CECR2: variants seen among roughly 807,000 people sequenced by gnomAD.
CECR2 encodes CECR2 histone acetyl-lysine reader, also known as chromatin remodeling regulator CECR2.
In CECR2, 30 loss-of-function variants were observed where a neutral mutation model predicts 154.5. That is an observed-to-expected ratio of 0.19 (90% CI 0.15 to 0.26). The LOEUF (loss-of-function observed/expected upper bound fraction) is 0.26, where lower values mean the gene tolerates loss of function less well. Ranked by LOEUF, CECR2 falls within the 10% of genes least tolerant of loss-of-function variation. CECR2 has a pLI of 1.00. For missense variants in CECR2, 1,743 were observed against 1,829.3 expected (o/e 0.95, Z 0.86); for synonymous variants, 725 against 683.7 (o/e 1.06, Z -0.94).
chr22:17,549,833 C>G (rs1477263688), intron 17 of CECR2, among the ~76,000 whole-genome samples: 1 of 143,804 alleles, frequency 7.0e-6, no homozygotes, highest in Non-Finnish European at 1.5e-5. Flanking sequence ...ACCGTGTTGC[C>G]CAGGCTGGTC....
chr22:17,531,978 G>A (rs2056362282), intron 9 of CECR2, among the ~76,000 whole-genome samples: 1 of 152,096 alleles, frequency 6.6e-6, no homozygotes, highest in East Asian at 1.9e-4. Context: ...AGACCAGCCT[G>A]GGCAACATAA....
intron 9 of CECR2, among the ~76,000 whole-genome samples, chr22:17,525,750 A>G (rs1165010843): frequency 6.6e-6 from 1 of 152,084 alleles, no homozygotes; most frequent in Non-Finnish European, 1.5e-5. Context: ...ACTGGCTTTT[A>G]TTTGTTTATA....
At chr22:17,503,978 C>T (rs899959100) in intron 6 of CECR2, among the ~76,000 whole-genome samples, 6 of 151,852 alleles carry the variant, frequency 4.0e-5, no homozygotes, top group African/African-American at 1.2e-4. Context: ...ATCCAGGAGG[C>T]GGAGGCTGCA....
intron 1 of CECR2, among the ~76,000 whole-genome samples, chr22:17,380,342 A>G (rs1018749377): frequency 1.3e-5 from 2 of 152,226 alleles, no homozygotes; most frequent in African/African-American, 4.8e-5. Context: ...ATGCAAAAAT[A>G]TATAGAAGAT....
chr22:17,406,339 G>A (rs1373495671), intron 1 of CECR2, among the ~76,000 whole-genome samples: 2 of 152,142 alleles, frequency 1.3e-5, no homozygotes, highest in African/African-American at 2.4e-5. Context: ...TGGCCAACAT[G>A]ACGAAACCCC....
At chr22:17,391,337 C>T (rs990924150) in intron 1 of CECR2, among the ~76,000 whole-genome samples, 3 of 152,154 alleles carry the variant, frequency 2.0e-5, no homozygotes, top group African/African-American at 7.2e-5. Context: ...CCCAGTTATC[C>T]TAGATGTAGG....
intron 1 of CECR2, among the ~76,000 whole-genome samples, chr22:17,401,483 C>T (rs76760583): frequency 0.057 from 8,680 of 151,954 alleles, 450 homozygotes; most frequent in African/African-American, 0.14. Flanking sequence ...CTCACCCCAA[C>T]CTGTGTTTCT....
rs1323668259 is a variant in CECR2, at chr22:17,555,811, C to T, written c.*2971C>T. The T allele has an allele frequency of 6.6e-6, 1 of 151,886 alleles. No homozygotes were observed. The highest frequency in any genetic ancestry group is 1.5e-5 in the Non-Finnish European group (1 of 67,988). The allele number at this position is 151,886 out of a possible 1,614,324, so 9.4% of individuals were successfully genotyped here. On this transcript the variant is annotated 3_prime_UTR_variant, in exon 19 of 19. Coordinates refer to ENST00000262608, the MANE Select transcript of CECR2 (RefSeq NM_001290047.2). ...GTCAGCGTGCCGGCTCTCAGTGGTC[C>T]CCAGGAGGATGGGGATAGCTGAGAT...
rs767869496 is a variant in CECR2 at position 17,542,638 on chromosome 22, A to G, written c.2495A>G (p.His832Arg). 1 of 1,613,892 alleles carries G rather than the reference A, an allele frequency of 6.2e-7. No homozygotes were observed. Among genetic ancestry groups the G allele is most frequent in the South Asian group, 1.1e-5 (1 of 91,076 alleles). The change falls in exon 16 of 19, where the codon CAT becomes CGT. Residue 832 changes from histidine (H) to arginine (R), a missense_variant. Physicochemically the swap from His to Arg is conservative, Grantham distance 29. Coordinates refer to ENST00000262608, the MANE Select transcript of CECR2 (RefSeq NM_001290047.2). ...QWTEQSGFLPHGVPSSGYMRP... is the reference protein window; with the variant it reads ...QWTEQSGFLPRGVPSSGYMRP... ...ACTGAACAATCAGGCTTCCTACCTCATGGAGTTCCTTCCTCAGGGTACATG... is the reference window on the plus strand; with the variant it reads ...ACTGAACAATCAGGCTTCCTACCTCGTGGAGTTCCTTCCTCAGGGTACATG...
intron 1 of CECR2, among the ~76,000 whole-genome samples, chr22:17,451,902 A>T (rs1007230135): frequency 8.5e-5 from 13 of 152,192 alleles, no homozygotes; most frequent in Non-Finnish European, 1.9e-4. Flanking sequence ...AAATAATGGG[A>T]GTTTTAGCTT....
At chr22:17,453,279 TA>T (rs2054800366) in intron 1 of CECR2, among the ~76,000 whole-genome samples, 1 of 152,058 alleles carries the variant, frequency 6.6e-6, no homozygotes, top group African/African-American at 2.4e-5. Context: ...CCGTCTCTGC[TA>T]AAAATACAAA....
At chr22:17,480,459 C>CACACACACAGAG (rs373106595) in intron 2 of CECR2, among the ~76,000 whole-genome samples, 4,000 of 143,448 alleles carry the variant, frequency 0.028, 85 homozygotes, top group Non-Finnish European at 0.04. Flanking sequence ...CACACACACA[C>CACACACACAGAG]AGAGAAAAGT....
chr22:17,545,842 CAAA>C (rs112121132), intron 16 of CECR2, among the ~76,000 whole-genome samples: 7 of 89,582 alleles, frequency 7.8e-5, no homozygotes, highest in Admixed American at 1.2e-4. Flanking sequence ...GACTCCGTCT[CAAA>C]AAAAAAAAAA....
rs34156323 is a variant in CECR2 at position 17,421,614 on chromosome 22, C to CAAAAAAAAAAA, written c.126+51724_126+51734dup. ...TGGGCGACAGAGCGAGACTCCGTCT[C>CAAAAAAAAAAA]AAAAAAAAAAAAAAAAAAAAAAAAA... On this transcript the variant is annotated intron_variant, in intron 1 of 18. Coordinates refer to ENST00000262608, the MANE Select transcript of CECR2 (RefSeq NM_001290047.2). Among the ~76,000 whole-genome samples the CAAAAAAAAAAA allele has an allele frequency of 5.1e-4, 12 of 23,374 alleles. No individual in the cohort carries two copies. In the East Asian group the frequency reaches 5.6e-3, roughly 11 times the overall value. 15.3% of individuals were successfully genotyped at this position (23,374 alleles called of 152,430 possible).
chr22:17,462,171 G>A (rs551322630), intron 1 of CECR2, among the ~76,000 whole-genome samples: 6 of 151,714 alleles, frequency 4.0e-5, no homozygotes, highest in Non-Finnish European at 5.9e-5. Flanking sequence ...TTGGGAGGCC[G>A]AGGCAGGCGG....
intron 1 of CECR2, chr22:17,476,974 TC>T (rs2055218108): frequency 1.8e-6 from 1 of 559,372 alleles, no homozygotes; most frequent in African/African-American, 1.9e-5. Context: ...GCAAAGACAT[TC>T]ACAGAGACGT....
chr22:17,430,754 A>G (rs2054408688), intron 1 of CECR2, among the ~76,000 whole-genome samples: 2 of 151,866 alleles, frequency 1.3e-5, no homozygotes, highest in Admixed American at 6.6e-5. Flanking sequence ...TCATGGCTGC[A>G]GTGTCTCTTG....
intron 1 of CECR2, chr22:17,419,419 G>T: frequency 5.5e-6 from 1 of 181,890 alleles, no homozygotes; most frequent in South Asian, 1.3e-4. Context: ...TGAGAGCCCT[G>T]ATTTGGAAAT....
In CECR2 at chr22:17,553,740, G is replaced by A. The variant is rs183025931; in HGVS notation, c.*900G>A. The A allele has an allele frequency of 2.1e-3, 317 of 152,266 alleles. No homozygotes were observed. Among genetic ancestry groups the A allele is most frequent in the African/African-American group, 7.1e-3 (296 of 41,558 alleles). The allele number at this position is 152,266 out of a possible 1,614,324, so 9.4% of individuals were successfully genotyped here. ...ATTTTGCCACCAGCCCTACCGAATA[G>A]TTGTAAACCAGTATCAGGAATTGGG... On this transcript the variant is annotated 3_prime_UTR_variant, in exon 19 of 19. Coordinates refer to ENST00000262608, the MANE Select transcript of CECR2 (RefSeq NM_001290047.2).
Sources: allele counts gnomAD v4.1 joint callset (sites outside exome capture counted in the v4.1 genomes callset), GRCh38; gene constraint gnomAD v4.1.1; transcripts MANE v1.5; gene names NCBI Gene and HGNC (gene_info 2026-07-23, HGNC 2026-07-21).